Variants in CDKAL1 observed in about 807,000 individuals in gnomAD.
CDKAL1 encodes the protein CDKAL1 threonylcarbamoyladenosine tRNA methylthiotransferase.
CDKAL1 carries 32 observed loss-of-function variants against 68.2 expected under a neutral mutation model. The ratio of observed to expected loss-of-function variants is 0.47; its 90% confidence interval spans 0.35 to 0.63. CDKAL1 has a LOEUF of 0.63. Among genes scored for constraint, CDKAL1 ranks in the 30% least tolerant of loss-of-function variants. CDKAL1 has a pLI of 0.00. For synonymous variants in CDKAL1, 234 were observed against 244.3 expected, an observed-to-expected ratio of 0.96 and a Z score of 0.39; for missense variants, 606 against 696.7, an observed-to-expected ratio of 0.87 and a Z score of 1.47.
chr6:20,631,403 G>A (rs904768226), intron 4 of CDKAL1, among the ~76,000 whole-genome samples: 8 of 152,086 alleles, frequency 5.3e-5, no homozygotes, highest in African/African-American at 1.9e-4. Flanking sequence ...CTTCTCCCCT[G>A]ACCTGCTCCT....
At chr6:20,787,997 T>C (rs1296821873) in intron 8 of CDKAL1, among the ~76,000 whole-genome samples, 1 of 152,242 alleles carries the variant, frequency 6.6e-6, no homozygotes, top group African/African-American at 2.4e-5. Flanking sequence ...TTTTACCCAA[T>C]CTACTTATCT....
At chr6:21,065,462 G>GA (rs796656733) in intron 12 of CDKAL1, among the ~76,000 whole-genome samples, 2 of 152,044 alleles carry the variant, frequency 1.3e-5, no homozygotes, top group South Asian at 4.2e-4. Context: ...ATGACTTGGG[G>GA]AAAAAAATTT....
At chr6:20,781,108 A>G (rs1775406423) in intron 7 of CDKAL1, 37 bp from the exon 8 acceptor site, 1 of 1,598,720 alleles carries the variant, frequency 6.3e-7, no homozygotes, top group African/African-American at 1.3e-5. Flanking sequence ...GAAGTGTGTA[A>G]CTCTTGCTAA....
At chr6:21,008,109 T>G (rs2150834190) in intron 11 of CDKAL1, among the ~76,000 whole-genome samples, 1 of 152,086 alleles carries the variant, frequency 6.6e-6, no homozygotes, top group South Asian at 2.1e-4. Flanking sequence ...GGAGTTTAGG[T>G]AGGAAAGATG....
intron 12 of CDKAL1, among the ~76,000 whole-genome samples, chr6:21,090,529 G>A (rs1330504714): frequency 6.6e-6 from 1 of 152,168 alleles, no homozygotes; most frequent in Non-Finnish European, 1.5e-5. Flanking sequence ...TCCCTTTGCT[G>A]ATAGAGACTG....
intron 3 of CDKAL1, among the ~76,000 whole-genome samples, chr6:20,546,982 T>C (rs1407989499): frequency 6.6e-6 from 1 of 152,238 alleles, no homozygotes. Context: ...TTATCTGAAA[T>C]GCTTGAGACC....
At chr6:21,148,738 T>C (rs1776285217) in intron 13 of CDKAL1, among the ~76,000 whole-genome samples, 1 of 152,128 alleles carries the variant, frequency 6.6e-6, no homozygotes, top group Non-Finnish European at 1.5e-5. Context: ...AGAGTGATAG[T>C]ATATTGATTA....
intron 10 of CDKAL1, among the ~76,000 whole-genome samples, chr6:20,968,488 T>G (rs1765439001): frequency 6.6e-6 from 1 of 152,010 alleles, no homozygotes; most frequent in Admixed American, 6.6e-5. Context: ...ATTAGAGAGG[T>G]TTTGGCCACT....
At chr6:20,724,437 C>T (rs966615054) in intron 5 of CDKAL1, among the ~76,000 whole-genome samples, 1 of 152,046 alleles carries the variant, frequency 6.6e-6, no homozygotes, top group Non-Finnish European at 1.5e-5. Flanking sequence ...AAATTTGAGA[C>T]CAGGTACAGT....
At chr6:20,702,173 T>C (rs1771393090) in intron 5 of CDKAL1, among the ~76,000 whole-genome samples, 1 of 152,170 alleles carries the variant, frequency 6.6e-6, no homozygotes, top group African/African-American at 2.4e-5. Context: ...GTGATGTGTG[T>C]GTGGCTCACT....
chr6:20,970,694 A>G (rs1267177143), intron 10 of CDKAL1, among the ~76,000 whole-genome samples: 1 of 152,150 alleles, frequency 6.6e-6, no homozygotes, highest in Non-Finnish European at 1.5e-5. Flanking sequence ...GATCACTATT[A>G]ATTGAGTCAC....
intron 5 of CDKAL1, among the ~76,000 whole-genome samples, chr6:20,726,214 A>G (rs910390371): frequency 1.1e-4 from 17 of 152,000 alleles, no homozygotes; most frequent in African/African-American, 2.4e-4. Flanking sequence ...AGACAGTTCT[A>G]TTGATTCCAG....
intron 5 of CDKAL1, among the ~76,000 whole-genome samples, chr6:20,660,713 T>C (rs746736641): frequency 6.6e-6 from 1 of 152,166 alleles, no homozygotes; most frequent in Admixed American, 6.5e-5. Context: ...GGCCTTGAGT[T>C]TGGCACACAA....
chr6:20,870,228 G>A (rs1031547830), intron 9 of CDKAL1, among the ~76,000 whole-genome samples: 14 of 152,102 alleles, frequency 9.2e-5, no homozygotes, highest in Admixed American at 7.9e-4. Context: ...TGTCAGTGAC[G>A]CTGCTGCCAT....
intron 8 of CDKAL1, among the ~76,000 whole-genome samples, chr6:20,811,010 T>G (rs1776791704): frequency 6.6e-6 from 1 of 152,212 alleles, no homozygotes; most frequent in Admixed American, 6.5e-5. Flanking sequence ...AATACTATTT[T>G]TATTTAGATT....
At chr6:21,169,614 G>A (rs4425589) in intron 13 of CDKAL1, among the ~76,000 whole-genome samples, 16,654 of 152,182 alleles carry the variant, frequency 0.11, 1,136 homozygotes, top group African/African-American at 0.19. Flanking sequence ...CCAGCCTTGG[G>A]TGACAGAGCG....
intron 5 of CDKAL1, among the ~76,000 whole-genome samples, chr6:20,679,165 C>T (rs1162623355): frequency 1.3e-5 from 2 of 152,208 alleles, no homozygotes; most frequent in African/African-American, 2.4e-5. Flanking sequence ...CCTCCTCCTG[C>T]CCTGGCCTCC....
chr6:21,117,117 T>G (rs1413923045), intron 13 of CDKAL1, among the ~76,000 whole-genome samples: 1 of 151,876 alleles, frequency 6.6e-6, no homozygotes, highest in Non-Finnish European at 1.5e-5. Context: ...AACAGCTCTG[T>G]TTTTTTTCCT....
chr6:20,558,595 C>T (rs1254823981), intron 4 of CDKAL1: 1 of 456,358 alleles, frequency 2.2e-6, no homozygotes, highest in South Asian at 1.5e-5. Flanking sequence ...CTAGCCTGGG[C>T]CAGGAAAAAT....
Sources: allele counts gnomAD v4.1 joint callset (sites outside exome capture counted in the v4.1 genomes callset), GRCh38; gene constraint gnomAD v4.1.1; transcripts MANE v1.5; gene names NCBI Gene and HGNC (gene_info 2026-07-23, HGNC 2026-07-21).